The following SHOC1 variants were observed in gnomAD, a reference collection of about 807,000 sequenced individuals.
SHOC1 encodes the protein protein shortage in chiasmata 1 ortholog.
In SHOC1, 136 loss-of-function variants were observed where a neutral mutation model predicts 179.2. The observed-to-expected ratio is 0.76, with a 90% CI of 0.66 to 0.87. SHOC1 has a LOEUF of 0.87. SHOC1 is among the 40% of genes least tolerant of loss of function. The probability of loss-of-function intolerance (pLI) is 0.00; values close to 1 mark genes in which losing one functional copy is unlikely to be tolerated. For synonymous variants in SHOC1, 489 were observed against 586.6 expected (o/e 0.83, Z 2.41); for missense variants, 1,538 against 1,700.8 (o/e 0.90, Z 1.68).
chr9:111,725,457 C>T (rs1833255699), intron 13 of SHOC1, among the ~76,000 whole-genome samples: 1 of 152,066 alleles, frequency 6.6e-6, no homozygotes, highest in South Asian at 2.1e-4. Flanking sequence ...ACAGAGTTAC[C>T]CACCCAGTCC....
rs1401108238 is a variant in SHOC1 at position 111,703,893 on chromosome 9, G to T, written c.2955C>A (p.Ala985=). ...YVVVTIDEHT[A]IILQDLEELN... The stretch of plus-strand genomic sequence containing the variant: ...TACCTAGTTTTACCTGCAAAATTAT[G>T]GCAGTGTGTTCATCAATTGTCACCA... Residue 985 remains alanine, a synonymous_variant, in exon 22 of 28, where the codon GCC becomes GCA. Coordinates refer to ENST00000682961, the MANE Select transcript of SHOC1 (RefSeq NM_001378211.1). 1 of 1,584,320 alleles carries T rather than the reference G, an allele frequency of 6.3e-7. No individual in the cohort carries two copies. The highest frequency in any genetic ancestry group is 1.7e-5 in the Admixed American group (1 of 58,818).
intron 5 of SHOC1, among the ~76,000 whole-genome samples, chr9:111,763,355 T>C (rs556773736): frequency 1.3e-5 from 2 of 151,976 alleles, no homozygotes; most frequent in Admixed American, 6.6e-5. Context: ...TATATAACAA[T>C]AGACCCACAA....
At chr9:111,706,843 C>G in intron 19 of SHOC1, 97 bp from the exon 20 acceptor site, 1 of 790,368 alleles carries the variant, frequency 1.3e-6, no homozygotes, top group South Asian at 3.0e-5. Context: ...TTCCATCCTT[C>G]TCTAATCTAT....
chr9:111,707,854 C>G lies in SHOC1; in HGVS notation c.2558+1G>C. 1 of 1,566,654 alleles carries G rather than the reference C, an allele frequency of 6.4e-7. No homozygotes were observed. Among genetic ancestry groups the G allele is most frequent in the Non-Finnish European group, 8.7e-7 (1 of 1,149,878 alleles). On this transcript the variant is annotated splice_donor_variant, in intron 19 of 27. Transcript: ENST00000682961. LOFTEE classifies it high-confidence loss of function. Reference sequence around the variant, plus strand: ...TCACAGATGAAGGAATGAATTTTTACCCCCTTAAAACACCTTCAGATTCCA... The same window carrying G: ...TCACAGATGAAGGAATGAATTTTTAGCCCCTTAAAACACCTTCAGATTCCA...
At chr9:111,791,605 C>A (rs567502412) in intron 1 of SHOC1, among the ~76,000 whole-genome samples, 151 bp from the exon 2 acceptor site, 16 of 152,110 alleles carry the variant, frequency 1.1e-4, no homozygotes, top group Non-Finnish European at 2.1e-4. Flanking sequence ...AATTTTAAAT[C>A]TAATATGAAA....
chr9:111,786,204 G>A (rs1836252036), intron 2 of SHOC1, among the ~76,000 whole-genome samples, 169 bp from the exon 3 acceptor site: 1 of 152,182 alleles, frequency 6.6e-6, no homozygotes, highest in South Asian at 2.1e-4. Context: ...GGGAGGCCCA[G>A]GCGGGCAGAT....
chr9:111,791,546 A>G, intron 1 of SHOC1, 92 bp from the exon 2 acceptor site: 1 of 461,228 alleles, frequency 2.2e-6, no homozygotes, highest in Non-Finnish European at 3.8e-6. Context: ...ACTCATTTTT[A>G]AAAAGGCTCT....
chr9:111,731,491 G>A (rs1833567302), intron 12 of SHOC1, among the ~76,000 whole-genome samples: 1 of 152,160 alleles, frequency 6.6e-6, no homozygotes, highest in Admixed American at 6.5e-5. Context: ...GCCAAGGAAA[G>A]GGAGAGAGAT....
At chr9:111,689,920 A>G (rs1388633197) in intron 27 of SHOC1, among the ~76,000 whole-genome samples, 1 of 152,200 alleles carries the variant, frequency 6.6e-6, no homozygotes, top group Non-Finnish European at 1.5e-5. Flanking sequence ...GAGGTTATAT[A>G]TTGGAGTGCC....
chr9:111,737,689 C>A (rs62572562), intron 12 of SHOC1, among the ~76,000 whole-genome samples: 1 of 5,690 alleles, frequency 1.8e-4, no homozygotes, highest in Non-Finnish European at 3.5e-4. Context: ...TAAAAACAAA[C>A]CCCCCCCCCC....
intron 2 of SHOC1, among the ~76,000 whole-genome samples, chr9:111,789,171 TATAAC>T (rs1343917366): frequency 6.6e-6 from 1 of 152,168 alleles, no homozygotes; most frequent in African/African-American, 2.4e-5. Flanking sequence ...CTGAAGGTGT[TATAAC>T]ATATTAAATA....
intron 24 of SHOC1, among the ~76,000 whole-genome samples, chr9:111,696,992 AT>A (rs1173708553): frequency 1.3e-5 from 2 of 152,182 alleles, no homozygotes; most frequent in Admixed American, 1.3e-4. Context: ...CATTTATTGA[AT>A]GTTTTTGCTT....
intron 13 of SHOC1, 84 bp downstream of exon 13, chr9:111,727,549 T>G: frequency 8.3e-7 from 1 of 1,207,836 alleles, no homozygotes; most frequent in South Asian, 2.0e-5. Flanking sequence ...TAGAAGAACT[T>G]TATCTCCTTG....
intron 8 of SHOC1, among the ~76,000 whole-genome samples, chr9:111,750,666 G>A (rs771337844): frequency 4.6e-5 from 7 of 152,094 alleles, no homozygotes; most frequent in Non-Finnish European, 8.8e-5. Context: ...GTCTGTTCAC[G>A]TCCTTTGCCC....
intron 2 of SHOC1, among the ~76,000 whole-genome samples, chr9:111,789,636 C>A (rs1836384290): frequency 6.6e-6 from 1 of 152,078 alleles, no homozygotes; most frequent in Non-Finnish European, 1.5e-5. Flanking sequence ...TCCTCAACAC[C>A]ATTTTCATGA....
rs1032545496 is a variant in SHOC1 at position 111,690,358 on chromosome 9, G to C, written c.4426+1193C>G. On this transcript the variant is annotated intron_variant, in intron 27 of 27. Transcript: ENST00000682961. ...GGAGGATCGGTTGAGCCCGAAAGGT[G>C]GGGGTGGCAGTGAACCAATCATGCC... is the stretch of plus-strand genomic sequence containing the variant. Among the ~76,000 whole-genome samples the C allele has an allele frequency of 3.3e-5, 5 of 152,286 alleles. No homozygotes were observed. The East Asian group carries it at 9.7e-4, about 29-fold the overall frequency.
intron 2 of SHOC1, among the ~76,000 whole-genome samples, chr9:111,789,469 T>C (rs904381025): frequency 6.6e-5 from 10 of 152,196 alleles, no homozygotes; most frequent in African/African-American, 2.4e-4. Flanking sequence ...TTAGAAAATG[T>C]TTGAAGATTT....
chr9:111,736,334 C>T (rs1833811225), intron 12 of SHOC1, among the ~76,000 whole-genome samples: 1 of 152,034 alleles, frequency 6.6e-6, no homozygotes, highest in Non-Finnish European at 1.5e-5. Flanking sequence ...GCTAGGGTAA[C>T]CAAAATGCCA....
chr9:111,763,754 G>A (rs1428079844), intron 5 of SHOC1, among the ~76,000 whole-genome samples: 1 of 152,200 alleles, frequency 6.6e-6, no homozygotes, highest in Non-Finnish European at 1.5e-5. Context: ...AGAAAGAAGT[G>A]AACAGAATCC....
Sources: allele counts gnomAD v4.1 joint callset (sites outside exome capture counted in the v4.1 genomes callset), GRCh38; gene constraint gnomAD v4.1.1; transcripts MANE v1.5; gene names NCBI Gene and HGNC (gene_info 2026-07-23, HGNC 2026-07-21).